Variants in TMEM266 observed in about 807,000 individuals in gnomAD.
The protein encoded by TMEM266 is Hv1 related protein 1.
TMEM266 carries 33 observed loss-of-function variants against 50.5 expected under a neutral mutation model. That is an observed-to-expected ratio of 0.65 (90% confidence interval 0.50 to 0.87). The LOEUF (loss-of-function observed/expected upper bound fraction) is 0.87. TMEM266 is among the 40% of genes least tolerant of loss of function. TMEM266 has a pLI of 0.00. For missense variants in TMEM266, 655 were observed against 695.1 expected, an observed-to-expected ratio of 0.94 and a Z score of 0.65; for synonymous variants, 310 against 292.3, an observed-to-expected ratio of 1.06 and a Z score of -0.62.
Position 76,204,122 on chromosome 15 carries a change from C to G in TMEM266, c.1403C>G (p.Pro468Arg). 1 of 1,613,112 alleles carries G rather than the reference C, an allele frequency of 6.2e-7. No homozygotes were observed. The highest frequency in any genetic ancestry group is 8.5e-7 in the Non-Finnish European group (1 of 1,179,700). The change falls in exon 11 of 11, where the codon CCA (proline) becomes CGA (arginine). Residue 468 changes from proline (P) to arginine (R), a missense_variant. Around this residue, in one of 3 missense-constraint regions of TMEM266, gnomAD observed 455 missense variants for 401.8 expected, o/e 1.13. Transcript: ENST00000388942. ...CCAGCCCCCCTCGCCCGGCCCAGCCCAGCGGGCTCGGCCCAAACCAGCCCC... is the reference window on the plus strand; with the variant it reads ...CCAGCCCCCCTCGCCCGGCCCAGCCGAGCGGGCTCGGCCCAAACCAGCCCC... Reference protein sequence around the residue: ...PSPAGSAQTSPELEHRVSLFN... With the variant: ...PSPAGSAQTSRELEHRVSLFN...
At chr15:76,167,793 G>A (rs975368938) in intron 5 of TMEM266, among the ~76,000 whole-genome samples, 1 of 152,038 alleles carries the variant, frequency 6.6e-6, no homozygotes, top group African/African-American at 2.4e-5. Context: ...GAGCCATCGC[G>A]CCTGCTTGTT....
intron 3 of TMEM266, among the ~76,000 whole-genome samples, chr15:76,155,866 T>C (rs2037916005): frequency 6.6e-6 from 1 of 152,218 alleles, no homozygotes; most frequent in East Asian, 1.9e-4. Context: ...CGAGCATTTA[T>C]TAAAGGCAAA....
intron 5 of TMEM266, among the ~76,000 whole-genome samples, chr15:76,162,287 G>A (rs941286231): frequency 1.1e-4 from 17 of 152,220 alleles, no homozygotes; most frequent in African/African-American, 4.1e-4. Flanking sequence ...GGTGCATGGA[G>A]ATCGAGTGAC....
chr15:76,169,951 G>A, intron 6 of TMEM266, 79 bp downstream of exon 6: 1 of 1,480,664 alleles, frequency 6.8e-7, no homozygotes, highest in Non-Finnish European at 9.4e-7. Flanking sequence ...ATCCATTCCA[G>A]GGTGGACACC....
intron 2 of TMEM266, among the ~76,000 whole-genome samples, chr15:76,135,296 C>G (rs2037571461): frequency 6.6e-6 from 1 of 152,234 alleles, no homozygotes; most frequent in East Asian, 1.9e-4. Flanking sequence ...CTAAATATAG[C>G]CTATACACTG....
At chr15:76,068,957 A>T (rs1261481235) in intron 1 of TMEM266, among the ~76,000 whole-genome samples, 2 of 152,156 alleles carry the variant, frequency 1.3e-5, no homozygotes, top group African/African-American at 4.8e-5. Flanking sequence ...CTCCTAGCCC[A>T]GTGTACATTC....
chr15:76,097,433 T>TCTA (rs761595287), intron 1 of TMEM266, among the ~76,000 whole-genome samples: 12 of 152,222 alleles, frequency 7.9e-5, no homozygotes, highest in Admixed American at 2.6e-4. Context: ...TAATGTTGAA[T>TCTA]ATTGGTCCCC....
At chr15:76,197,456 C>T (rs890403712) in intron 9 of TMEM266, among the ~76,000 whole-genome samples, 1 of 152,200 alleles carries the variant, frequency 6.6e-6, no homozygotes, top group Non-Finnish European at 1.5e-5. Context: ...TGCTGTTACC[C>T]TCTTGAAATT....
intron 3 of TMEM266, among the ~76,000 whole-genome samples, chr15:76,154,151 G>A (rs951196521): frequency 6.6e-6 from 1 of 152,212 alleles, no homozygotes; most frequent in African/African-American, 2.4e-5. Context: ...TACCAAATAA[G>A]AATACACGAT....
chr15:76,177,386 C>A (rs891182021), intron 8 of TMEM266, among the ~76,000 whole-genome samples: 2 of 152,232 alleles, frequency 1.3e-5, no homozygotes, highest in Non-Finnish European at 2.9e-5. Flanking sequence ...GGCTCCTCGA[C>A]CAACCCCAGC....
chr15:76,125,205 G>C (rs1002533471), intron 1 of TMEM266, among the ~76,000 whole-genome samples: 6 of 152,110 alleles, frequency 3.9e-5, no homozygotes, highest in Admixed American at 1.3e-4. Context: ...AAAACATATG[G>C]TGAAAGCTGC....
At chr15:76,060,249 CTTAT>C (rs1267296759) in intron 1 of TMEM266, among the ~76,000 whole-genome samples, 3 of 152,066 alleles carry the variant, frequency 2.0e-5, no homozygotes, top group Non-Finnish European at 4.4e-5. Flanking sequence ...TCACATGCTT[CTTAT>C]TTATTTTTGC....
At chr15:76,146,358 A>G (rs1212358475) in intron 3 of TMEM266, among the ~76,000 whole-genome samples, 2 of 152,200 alleles carry the variant, frequency 1.3e-5, no homozygotes, top group South Asian at 4.1e-4. Flanking sequence ...ATAAAGTAAG[A>G]AATGAAAGAT....
Position 76,125,673 on chromosome 15 carries a change from C to T in TMEM266, c.-96-8495C>T, listed in dbSNP as rs1432050329. Among the ~76,000 whole-genome samples, 3 of 152,018 alleles carry T rather than the reference C, an allele frequency of 2.0e-5. No individual in the cohort carries two copies. The East Asian group carries it at 5.8e-4, about 29-fold the overall frequency. On this transcript the variant is annotated intron_variant, in intron 1 of 10. Transcript: ENST00000388942. ...GACGAGCCTGGCCAACATGGCGAAACCCCATCTCTACTAAAAATACAAAAA... is the reference window on the plus strand; with the variant it reads ...GACGAGCCTGGCCAACATGGCGAAATCCCATCTCTACTAAAAATACAAAAA...
At chr15:76,097,810 C>A (rs1223150650) in intron 1 of TMEM266, among the ~76,000 whole-genome samples, 1 of 151,872 alleles carries the variant, frequency 6.6e-6, no homozygotes, top group Non-Finnish European at 1.5e-5. Context: ...CCTTTTTATT[C>A]TTTTTTCTCT....
At chr15:76,172,691 A>G (rs1371007597) in intron 7 of TMEM266, among the ~76,000 whole-genome samples, 2 of 152,160 alleles carry the variant, frequency 1.3e-5, no homozygotes, top group African/African-American at 2.4e-5. Context: ...CACTCCCCTC[A>G]TTTGACAGAT....
intron 6 of TMEM266, 53 bp from the exon 7 acceptor site, chr15:76,170,940 G>T: frequency 1.3e-6 from 2 of 1,557,956 alleles, no homozygotes; most frequent in Non-Finnish European, 1.7e-6. Context: ...ACTGACCCCT[G>T]GTCCCGGACA....
rs186200660 is a variant in TMEM266 at position 76,196,956 on chromosome 15, G to A, written c.958+4799G>A. ...CCCAAATTTATTAGTCTTGAAGCTCGCCCATAACTTATGAATTACAGCCCC... is the reference window on the plus strand; with the variant it reads ...CCCAAATTTATTAGTCTTGAAGCTCACCCATAACTTATGAATTACAGCCCC... On this transcript the variant is annotated intron_variant, in intron 9 of 10. Coordinates refer to ENST00000388942, the MANE Select transcript of TMEM266 (RefSeq NM_152335.3). Among the ~76,000 whole-genome samples, 16 of 152,316 alleles carry A rather than the reference G, an allele frequency of 1.1e-4. No individual in the cohort carries two copies. In the East Asian group the frequency reaches 2.7e-3, roughly 26 times the overall value.
intron 9 of TMEM266, among the ~76,000 whole-genome samples, chr15:76,199,803 A>C (rs564305301): frequency 1.4e-5 from 2 of 138,086 alleles, no homozygotes; most frequent in East Asian, 5.2e-4. Context: ...GCCCATAGTG[A>C]AACGTTCAGG....
Sources: allele counts gnomAD v4.1 joint callset (sites outside exome capture counted in the v4.1 genomes callset), GRCh38; gene constraint gnomAD v4.1.1; regional missense constraint gnomAD v4.1.1; transcripts MANE v1.5; gene names NCBI Gene and HGNC (gene_info 2026-07-23, HGNC 2026-07-21).